CRACD: variants seen among roughly 807,000 people sequenced by gnomAD.
CRACD encodes the protein capping protein inhibiting regulator of actin dynamics, also known as capping protein-inhibiting regulator of actin dynamics.
CRACD carries 56 observed loss-of-function variants against 106.8 expected under a neutral mutation model. The ratio of observed to expected loss-of-function variants is 0.52; its 90% CI spans 0.42 to 0.66. The LOEUF (loss-of-function observed/expected upper bound fraction) is 0.66. CRACD is among the 30% of genes least tolerant of loss of function. CRACD has a pLI of 0.00. For synonymous variants in CRACD, 754 were observed against 670.8 expected, an observed-to-expected ratio of 1.12 and a Z score of -1.92; for missense variants, 1,730 against 1,623.2, an observed-to-expected ratio of 1.07 and a Z score of -1.13.
Position 56,068,746 on chromosome 4 carries a change from G to GGC in CRACD, c.-336+19447_-336+19448insGC, listed in dbSNP as rs1328382194. On this transcript the variant is annotated intron_variant, in intron 1 of 10. Coordinates refer to ENST00000682029, the MANE Select transcript of CRACD (RefSeq NM_001393381.1). Reference sequence around the variant, plus strand: ...GTTTTTGCCCTGACTGAGGTGGTAGGACTACAGCGGGGGATGGATTTTGTG... The same window carrying GGC: ...GTTTTTGCCCTGACTGAGGTGGTAGGGCACTACAGCGGGGGATGGATTTTGTG... Among the ~76,000 whole-genome samples, 3 of 152,112 alleles carry GGC rather than the reference G, an allele frequency of 2.0e-5. No homozygotes were observed. The East Asian group carries it at 5.8e-4, about 29-fold the overall frequency.
intron 2 of CRACD, among the ~76,000 whole-genome samples, chr4:56,263,676 A>C (rs10030299): frequency 0.27 from 40,772 of 151,976 alleles, 5,601 homozygotes; most frequent in African/African-American, 0.3. Flanking sequence ...ATTCAGAGGT[A>C]CTGGGAGTTA....
At chr4:56,214,531 G>A (rs898374833) in intron 2 of CRACD, among the ~76,000 whole-genome samples, 9 of 151,632 alleles carry the variant, frequency 5.9e-5, no homozygotes, top group African/African-American at 1.9e-4. Context: ...GGCGGAGGTT[G>A]CAGTCAGCTG....
At chr4:56,268,502 G>A (rs1457656861) in intron 2 of CRACD, among the ~76,000 whole-genome samples, 1 of 151,974 alleles carries the variant, frequency 6.6e-6, no homozygotes, top group Non-Finnish European at 1.5e-5. Context: ...GAAATTTGGG[G>A]GTTTGATATT....
At chr4:56,305,645 A>T (rs1160619868) in intron 4 of CRACD, among the ~76,000 whole-genome samples, 1 of 152,126 alleles carries the variant, frequency 6.6e-6, no homozygotes, top group East Asian at 1.9e-4. Context: ...CCCTTGCTGA[A>T]CTTGGCTTTT....
At chr4:56,181,178 A>G (rs905079238) in intron 2 of CRACD, among the ~76,000 whole-genome samples, 1 of 152,200 alleles carries the variant, frequency 6.6e-6, no homozygotes, top group Non-Finnish European at 1.5e-5. Context: ...GAAAAAGTAA[A>G]GTAGAGCAAG....
intron 2 of CRACD, among the ~76,000 whole-genome samples, chr4:56,236,565 C>T (rs1191959820): frequency 6.6e-6 from 1 of 152,052 alleles, no homozygotes; most frequent in African/African-American, 2.4e-5. Flanking sequence ...ACAGGTGGGC[C>T]ACTGTGGGGC....
chr4:56,193,136 A>G (rs28687743), intron 2 of CRACD, among the ~76,000 whole-genome samples: 5,194 of 152,302 alleles, frequency 0.034, 289 homozygotes, highest in African/African-American at 0.12. Flanking sequence ...GATGTTTTAC[A>G]TGGCGGCAGG....
intron 2 of CRACD, among the ~76,000 whole-genome samples, chr4:56,201,229 T>G (rs1453920572): frequency 1.3e-5 from 2 of 152,340 alleles, no homozygotes; most frequent in Admixed American, 6.5e-5. Flanking sequence ...AATATTAAAG[T>G]GAAGAAAATA....
At position 56,330,322 on chromosome 4, in the gene CRACD, G is replaced by T. The variant is rs922718266; in HGVS notation, c.*2518G>T. Among the ~76,000 whole-genome samples, 4 of 151,522 alleles carry T rather than the reference G, an allele frequency of 2.6e-5. No individual in the cohort carries two copies. The highest frequency in any genetic ancestry group is 4.4e-5 in the Non-Finnish European group (3 of 67,948). ...CTTTTTTAATTTTTCAAGTGCAATT[G>T]TTTCTTACACAGACATTATTACTAT... On this transcript the variant is annotated 3_prime_UTR_variant, in exon 11 of 11. Coordinates refer to ENST00000682029, the MANE Select transcript of CRACD (RefSeq NM_001393381.1).
At chr4:56,285,645 G>A (rs1377825902) in intron 3 of CRACD, among the ~76,000 whole-genome samples, 1 of 152,006 alleles carries the variant, frequency 6.6e-6, no homozygotes, top group African/African-American at 2.4e-5. Context: ...GTCTTGTAGT[G>A]TTGTTGCCTA....
chr4:56,156,040 T>C (rs1313324614), intron 1 of CRACD, among the ~76,000 whole-genome samples: 1 of 152,220 alleles, frequency 6.6e-6, no homozygotes, highest in Non-Finnish European at 1.5e-5. Flanking sequence ...CTTGGCTTAC[T>C]GCAACCTCCA....
chr4:56,172,020 CTTT>C (rs35574683), intron 1 of CRACD, among the ~76,000 whole-genome samples: 9 of 106,384 alleles, frequency 8.5e-5, no homozygotes, highest in Non-Finnish European at 1.3e-4. Flanking sequence ...GAGGGTTTCT[CTTT>C]TTTTTTTTTT....
intron 1 of CRACD, among the ~76,000 whole-genome samples, chr4:56,070,103 G>A (rs1265487596): frequency 6.6e-6 from 1 of 152,194 alleles, no homozygotes; most frequent in African/African-American, 2.4e-5. Flanking sequence ...AAAGTCGGTA[G>A]CTTGGCATTT....
rs1481277945 is a variant in CRACD, at chr4:56,330,035, C to T, written c.*2231C>T. 2.0e-5 allele frequency among the ~76,000 whole-genome samples: 3 copies of T among 152,158 alleles called. No individual in the cohort carries two copies. The highest frequency in any genetic ancestry group is 4.4e-5 in the Non-Finnish European group (3 of 68,028). On this transcript the variant is annotated 3_prime_UTR_variant, in exon 11 of 11. Coordinates refer to ENST00000682029, the MANE Select transcript of CRACD (RefSeq NM_001393381.1). ...TCTAAAGGGTACATGTTTAACATTTCATTTCAAAATCACCCCAAATTTGCA... is the reference window on the plus strand; with the variant it reads ...TCTAAAGGGTACATGTTTAACATTTTATTTCAAAATCACCCCAAATTTGCA...
chr4:56,269,244 G>A (rs900123832), intron 2 of CRACD, among the ~76,000 whole-genome samples: 1 of 152,038 alleles, frequency 6.6e-6, no homozygotes, highest in Non-Finnish European at 1.5e-5. Flanking sequence ...TTAGCCAGGG[G>A]TGGTGGCCCA....
intron 1 of CRACD, among the ~76,000 whole-genome samples, chr4:56,169,137 G>A (rs112651328): frequency 4.7e-4 from 71 of 152,236 alleles, no homozygotes; most frequent in African/African-American, 1.5e-3. Context: ...CAAACAAATA[G>A]GGAGTAAGTT....
chr4:56,260,676 A>T (rs1038880213), intron 2 of CRACD, among the ~76,000 whole-genome samples: 1 of 152,210 alleles, frequency 6.6e-6, no homozygotes, highest in Non-Finnish European at 1.5e-5. Flanking sequence ...ACATTGAAAG[A>T]TTTTAAAAGC....
chr4:56,170,005 T>C (rs148249829), intron 1 of CRACD, among the ~76,000 whole-genome samples: 600 of 152,288 alleles, frequency 3.9e-3, no homozygotes, highest in Non-Finnish European at 6.7e-3. Flanking sequence ...CAGTTTATGA[T>C]ACTTAGGTTC....
chr4:56,214,808 C>T lies in CRACD; in HGVS notation c.-189+35378C>T, dbSNP rs957634249. On this transcript the variant is annotated intron_variant, in intron 2 of 10. Coordinates refer to ENST00000682029, the MANE Select transcript of CRACD (RefSeq NM_001393381.1). ...TAGGCAAATCATGAGGTCAGGAGTT[C>T]GAGACAAGTCTGGCCAACATAGTGA... Among the ~76,000 whole-genome samples the T allele has an allele frequency of 2.6e-5, 4 of 151,306 alleles. No individual in the cohort carries two copies. In the East Asian group the frequency reaches 5.8e-4, roughly 22 times the overall value.
Sources: gnomAD v4.1 joint callset for allele counts (sites outside exome capture counted in the v4.1 genomes callset) on GRCh38, gnomAD v4.1.1 for gene constraint, MANE v1.5 for transcripts, NCBI Gene and HGNC (gene_info 2026-07-23, HGNC 2026-07-21) for gene names.